ZNF385B: variants seen among roughly 807,000 people sequenced by gnomAD.
ZNF385B encodes the protein zinc finger protein 385B, also known as zinc finger protein 533.
A neutral mutation model predicts 39.2 loss-of-function variants in ZNF385B; 23 were observed. That is an observed-to-expected ratio of 0.59 (90% CI 0.42 to 0.83). The LOEUF is 0.83. Among genes scored for constraint, ZNF385B ranks in the 40% least tolerant of loss-of-function variants. ZNF385B has a pLI of 0.00. For synonymous variants in ZNF385B, 205 were observed against 222.6 expected (o/e 0.92, Z 0.70); for missense variants, 552 against 598.9 (o/e 0.92, Z 0.82).
rs141918351 is a variant in ZNF385B, at chr2:179,582,872, G to A, written c.299-37903C>T. On this transcript the variant is annotated intron_variant, in intron 3 of 9. Transcript: ENST00000410066. ...TTTTGTTGTTGTTGTTTTTTGAGATGGAGTTTCGCTGTTATTGCCCAGGCT... is the reference window on the plus strand; with the variant it reads ...TTTTGTTGTTGTTGTTTTTTGAGATAGAGTTTCGCTGTTATTGCCCAGGCT... Among the ~76,000 whole-genome samples, 288 of 152,202 alleles carry A rather than the reference G, an allele frequency of 1.9e-3. 1 individual carries two copies. The highest frequency in any genetic ancestry group is 0.01 in the Middle Eastern group (3 of 294).
At chr2:179,712,896 T>C (rs1700094003) in intron 3 of ZNF385B, among the ~76,000 whole-genome samples, 1 of 152,222 alleles carries the variant, frequency 6.6e-6, no homozygotes, top group South Asian at 2.1e-4. Context: ...TCACGTTCAA[T>C]AAAAGTCATA....
At chr2:179,694,688 G>T (rs1346315535) in intron 3 of ZNF385B, among the ~76,000 whole-genome samples, 6 of 152,172 alleles carry the variant, frequency 3.9e-5, no homozygotes, top group Non-Finnish European at 8.8e-5. Context: ...CCAGCAATTT[G>T]GGAGGTCAAG....
intron 3 of ZNF385B, among the ~76,000 whole-genome samples, chr2:179,559,457 C>T (rs1219198884): frequency 6.6e-6 from 1 of 152,108 alleles, no homozygotes; most frequent in Non-Finnish European, 1.5e-5. Context: ...AAAACATCTC[C>T]AATGAACACC....
chr2:179,743,683 G>A (rs138709338), intron 3 of ZNF385B, among the ~76,000 whole-genome samples: 1 of 152,144 alleles, frequency 6.6e-6, no homozygotes, highest in African/African-American at 2.4e-5. Flanking sequence ...ATTCAACCAG[G>A]GTTATCTTCT....
chr2:179,791,270 C>T (rs553030530), intron 1 of ZNF385B, among the ~76,000 whole-genome samples: 1 of 152,220 alleles, frequency 6.6e-6, no homozygotes, highest in East Asian at 1.9e-4. Context: ...AGTAGCAAGC[C>T]CTTAGATTTA....
intron 3 of ZNF385B, among the ~76,000 whole-genome samples, chr2:179,708,989 T>C (rs1298491002): frequency 1.3e-5 from 2 of 152,172 alleles, no homozygotes; most frequent in East Asian, 3.9e-4. Context: ...CTGCCTCCCA[T>C]CTGATGATAA....
chr2:179,668,629 T>A (rs1695500074), intron 3 of ZNF385B, among the ~76,000 whole-genome samples: 1 of 151,934 alleles, frequency 6.6e-6, no homozygotes, highest in African/African-American at 2.4e-5. Context: ...TTTCTTTTTT[T>A]TTTTTTTTTT....
At chr2:179,659,414 T>G (rs1694201389) in intron 3 of ZNF385B, among the ~76,000 whole-genome samples, 1 of 152,162 alleles carries the variant, frequency 6.6e-6, no homozygotes, top group Non-Finnish European at 1.5e-5. Flanking sequence ...TCCAATGAAA[T>G]TCTTATTATG....
chr2:179,527,986 G>A (rs201761038), intron 4 of ZNF385B, among the ~76,000 whole-genome samples: 32,620 of 151,796 alleles, frequency 0.21, 4,052 homozygotes, highest in East Asian at 0.38. Flanking sequence ...ATTTTACCAG[G>A]AAAATTTTTA....
chr2:179,558,983 G>A (rs923703818), intron 3 of ZNF385B, among the ~76,000 whole-genome samples: 1 of 152,090 alleles, frequency 6.6e-6, no homozygotes, highest in Non-Finnish European at 1.5e-5. Flanking sequence ...GCTACAATGG[G>A]AAAAAATGGT....
chr2:179,730,690 A>AT (rs1367928020), intron 3 of ZNF385B, among the ~76,000 whole-genome samples: 154 of 152,368 alleles, frequency 1.0e-3, no homozygotes, highest in African/African-American at 3.6e-3. Context: ...ACAAAATTTA[A>AT]GCTCAATAAA....
At chr2:179,629,318 A>G (rs1283229280) in intron 3 of ZNF385B, among the ~76,000 whole-genome samples, 1 of 152,244 alleles carries the variant, frequency 6.6e-6, no homozygotes, top group African/African-American at 2.4e-5. Context: ...ACTTAGAGCA[A>G]ATGTTGCCAA....
intron 3 of ZNF385B, among the ~76,000 whole-genome samples, chr2:179,572,853 C>T (rs540034594): frequency 1.4e-4 from 21 of 152,024 alleles, no homozygotes; most frequent in Admixed American, 3.9e-4. Context: ...TATTCTGTAC[C>T]GCCAAAAAGA....
At chr2:179,722,025 C>T (rs1461920160) in intron 3 of ZNF385B, among the ~76,000 whole-genome samples, 1 of 151,830 alleles carries the variant, frequency 6.6e-6, no homozygotes, top group African/African-American at 2.4e-5. Flanking sequence ...AAGATGAATA[C>T]AAATAAACAA....
intron 1 of ZNF385B, among the ~76,000 whole-genome samples, chr2:179,837,556 A>C (rs1708318758): frequency 1.3e-5 from 2 of 152,368 alleles, no homozygotes; most frequent in African/African-American, 4.8e-5. Flanking sequence ...GTCACTAAAC[A>C]AGTCAGCAAC....
At chr2:179,494,028 T>C (rs2055879957) in intron 5 of ZNF385B, among the ~76,000 whole-genome samples, 1 of 151,598 alleles carries the variant, frequency 6.6e-6, no homozygotes, top group Non-Finnish European at 1.5e-5. Context: ...TGTTAACAGA[T>C]AAGTGATACA....
intron 3 of ZNF385B, among the ~76,000 whole-genome samples, chr2:179,670,209 G>A (rs1433332227): frequency 1.3e-5 from 2 of 150,364 alleles, no homozygotes; most frequent in Non-Finnish European, 3.0e-5. Context: ...GGAGAATGGC[G>A]TGAACCCGGG....
chr2:179,834,646 G>A (rs1296120520), intron 1 of ZNF385B, among the ~76,000 whole-genome samples: 1 of 152,120 alleles, frequency 6.6e-6, no homozygotes, highest in African/African-American at 2.4e-5. Context: ...AACTGATTCT[G>A]GAAAGATGCA....
chr2:179,707,277 C>T (rs1014366787), intron 3 of ZNF385B, among the ~76,000 whole-genome samples: 40 of 152,096 alleles, frequency 2.6e-4, no homozygotes, highest in Admixed American at 2.0e-3. Flanking sequence ...GACATGGGGG[C>T]GGAGAGTATT....
Sources: gnomAD v4.1 joint callset for allele counts (sites outside exome capture counted in the v4.1 genomes callset) on GRCh38, gnomAD v4.1.1 for gene constraint, MANE v1.5 for transcripts, NCBI Gene and HGNC (gene_info 2026-07-23, HGNC 2026-07-21) for gene names.